Variants in EXOC2 observed in about 807,000 individuals in gnomAD.
EXOC2 encodes the protein exocyst complex component 2.
In EXOC2, 70 loss-of-function variants were observed where a neutral mutation model predicts 131.8. The observed-to-expected ratio is 0.53, with a 90% CI of 0.44 to 0.65. The LOEUF (loss-of-function observed/expected upper bound fraction) is 0.65, where lower values mean the gene tolerates loss of function less well. EXOC2 is among the 30% of genes least tolerant of loss of function. The probability of loss-of-function intolerance (pLI) is 0.00; values close to 1 mark genes in which losing one functional copy is unlikely to be tolerated. For synonymous variants in EXOC2, 411 were observed against 398.4 expected (o/e 1.03, Z -0.38); for missense variants, 923 against 1,108.6 (o/e 0.83, Z 2.38).
intron 6 of EXOC2, among the ~76,000 whole-genome samples, chr6:615,730 A>C (rs1201682164): frequency 1.3e-5 from 2 of 151,772 alleles, no homozygotes; most frequent in Admixed American, 6.6e-5. Context: ...AAAAGAAAAA[A>C]AAAAAAAAAG....
intron 1 of EXOC2, chr6:657,073 C>T (rs887831273): frequency 3.9e-6 from 3 of 766,068 alleles, no homozygotes; most frequent in South Asian, 2.6e-5. Context: ...GGCAGGCACT[C>T]GGGTTCCCGG....
chr6:524,984 C>T lies in EXOC2; in HGVS notation c.2380+7485G>A, dbSNP rs563030684. ...CCCTCAGATCTGGCTGGTGCAAGCT[C>T]CCCTCCTGCAAGGGTTCAAGCGCCC... On this transcript the variant is annotated intron_variant, in intron 23 of 27. Transcript: ENST00000230449. The T allele has an allele frequency of 3.3e-5, 5 of 152,408 alleles. No homozygotes were observed. The East Asian group carries it at 5.8e-4, about 18-fold the overall frequency. The allele number at this position is 152,408 out of a possible 1,614,324, so 9.4% of individuals were successfully genotyped here. A position where few individuals can be genotyped will look rare whatever the true frequency, so the allele number is the denominator to read the frequency against.
intron 1 of EXOC2, among the ~76,000 whole-genome samples, chr6:641,877 G>A (rs1271985888): frequency 1.4e-5 from 1 of 72,098 alleles, no homozygotes; most frequent in Non-Finnish European, 3.7e-5. Context: ...CTCAGCAAAT[G>A]CCAGTTAGTT....
At chr6:656,306 C>T (rs1763082197) in intron 1 of EXOC2, 2 of 1,614,076 alleles carry the variant, frequency 1.2e-6, no homozygotes, top group South Asian at 1.1e-5. Context: ...CACCCACAGC[C>T]GACTGGGGAG....
At chr6:499,428 TAAACACACACAC>T (rs1561782896) in intron 24 of EXOC2, among the ~76,000 whole-genome samples, 1 of 79,128 alleles carries the variant, frequency 1.3e-5, no homozygotes, top group Non-Finnish European at 2.7e-5. Context: ...GACTCACAGT[TAAACACACACAC>T]ACACACACAC....
chr6:677,857 A>T (rs770852528), intron 1 of EXOC2, among the ~76,000 whole-genome samples: 2 of 152,004 alleles, frequency 1.3e-5, no homozygotes, highest in Non-Finnish European at 2.9e-5. Flanking sequence ...TACTTTGTCC[A>T]ATACTCCACA....
At chr6:599,347 G>T in intron 7 of EXOC2, 122 bp from the exon 8 acceptor site, 2 of 933,580 alleles carry the variant, frequency 2.1e-6, no homozygotes, top group Non-Finnish European at 3.0e-6. Context: ...AACTCAGACT[G>T]TTTTTCAGTT....
chr6:663,785 C>T lies in EXOC2; in HGVS notation c.-43-25924G>A, dbSNP rs1763518320. Among the ~76,000 whole-genome samples the T allele has an allele frequency of 6.6e-5, 10 of 152,154 alleles. No homozygotes were observed. In the South Asian group the frequency reaches 2.1e-3, roughly 32 times the overall value. ...GCAAAACTGACATACAAGAGACATA[C>T]CTTAATGTAATAAAAGCCATGTATG... On this transcript the variant is annotated intron_variant, in intron 1 of 27. Transcript: ENST00000230449.
At chr6:589,598 T>G (rs941764298) in intron 11 of EXOC2, among the ~76,000 whole-genome samples, 4 of 152,220 alleles carry the variant, frequency 2.6e-5, no homozygotes, top group Non-Finnish European at 5.9e-5. Context: ...CTATGTGATT[T>G]TTTAGATGGT....
chr6:619,632 T>G, intron 4 of EXOC2, 89 bp from the exon 5 acceptor site: 2 of 762,384 alleles, frequency 2.6e-6, no homozygotes, highest in Non-Finnish European at 4.5e-6. Flanking sequence ...ATAACACATA[T>G]GAATACTAAC....
chr6:645,567 A>G (rs747766573), intron 1 of EXOC2, among the ~76,000 whole-genome samples: 7 of 146,214 alleles, frequency 4.8e-5, no homozygotes, highest in African/African-American at 1.8e-4. Context: ...GAACTTTTGC[A>G]ATCTGATAAC....
rs115145598 is a variant in EXOC2, at chr6:652,142, T to C, written c.-43-14281A>G. On this transcript the variant is annotated intron_variant, in intron 1 of 27. Coordinates refer to ENST00000230449, the MANE Select transcript of EXOC2 (RefSeq NM_018303.6). ...ATATTTTTGTACGTAACTCAGAAGA[T>C]ATGAAGTAAATAGTTTCAAAGAGCA... Among the ~76,000 whole-genome samples, 309 of 151,924 alleles carry C rather than the reference T, an allele frequency of 2.0e-3. 1 individual carries two copies. Among genetic ancestry groups the C allele is most frequent in the African/African-American group, 7.1e-3 (295 of 41,404 alleles).
intron 6 of EXOC2, among the ~76,000 whole-genome samples, chr6:610,396 T>A (rs550774256): frequency 6.6e-6 from 1 of 152,274 alleles, no homozygotes; most frequent in East Asian, 1.9e-4. Flanking sequence ...CACATAATCA[T>A]CTGTCTTCAA....
At chr6:589,491 C>G (rs866860061) in intron 11 of EXOC2, among the ~76,000 whole-genome samples, 4 of 152,244 alleles carry the variant, frequency 2.6e-5, no homozygotes, top group Non-Finnish European at 5.9e-5. Context: ...CCCTGGACTT[C>G]CCCTCAACCG....
At chr6:674,672 T>G (rs1340014349) in intron 1 of EXOC2, among the ~76,000 whole-genome samples, 1 of 152,112 alleles carries the variant, frequency 6.6e-6, no homozygotes, top group Non-Finnish European at 1.5e-5. Flanking sequence ...TACTAAATCC[T>G]AAAGCTGTGG....
At chr6:619,331 C>A in intron 5 of EXOC2, 99 bp downstream of exon 5, 1 of 897,138 alleles carries the variant, frequency 1.1e-6, no homozygotes, top group Non-Finnish European at 1.8e-6. Context: ...AACCATGTAA[C>A]TGTATGCAGA....
intron 7 of EXOC2, among the ~76,000 whole-genome samples, chr6:600,033 T>C (rs900905378): frequency 2.4e-4 from 36 of 152,204 alleles, no homozygotes. Context: ...GCCTGTTTGA[T>C]CGCTGCTTGT....
Position 486,755 on chromosome 6 carries a change from T to C in EXOC2, c.2691A>G (p.Glu897=). 7 of 1,614,022 alleles carry C rather than the reference T, an allele frequency of 4.3e-6. No individual in the cohort carries two copies. Among genetic ancestry groups the C allele is most frequent in the Non-Finnish European group, 5.9e-6 (7 of 1,179,900 alleles). ...TACTCTTGAACTTGTTCAGGAGCTC[T>C]TCCAGTAACCTGCAGGACGGAGACA... The part of the protein sequence containing the change: ...LSSGADKKLL[E]ELLNKFKSSM... Residue 897 remains glutamate, a synonymous_variant, in exon 28 of 28, where the codon GAA becomes GAG. Transcript: ENST00000230449.
At chr6:604,526 T>A (rs1027632659) in intron 7 of EXOC2, among the ~76,000 whole-genome samples, 1 of 152,168 alleles carries the variant, frequency 6.6e-6, no homozygotes, top group Non-Finnish European at 1.5e-5. Context: ...CTCCTATCGT[T>A]CTGTTAAACT....
Sources: allele counts gnomAD v4.1 joint callset (sites outside exome capture counted in the v4.1 genomes callset), GRCh38; gene constraint gnomAD v4.1.1; transcripts MANE v1.5; gene names NCBI Gene and HGNC (gene_info 2026-07-23, HGNC 2026-07-21).